The following GRM7 variants were observed in gnomAD, a reference collection of about 807,000 sequenced individuals.
The protein encoded by GRM7 is metabotropic glutamate receptor 7.
In GRM7, 35 loss-of-function variants were observed where a neutral mutation model predicts 84.5. The ratio of observed to expected loss-of-function variants is 0.41; its 90% CI spans 0.32 to 0.55. The LOEUF is 0.55. Among genes scored for constraint, GRM7 ranks in the 20% least tolerant of loss-of-function variants. The probability of loss-of-function intolerance (pLI) is 0.19; values close to 1 mark genes in which losing one functional copy is unlikely to be tolerated. For missense variants in GRM7, 1,003 were observed against 1,194.6 expected, an observed-to-expected ratio of 0.84 and a Z score of 2.36; for synonymous variants, 487 against 455.1, an observed-to-expected ratio of 1.07 and a Z score of -0.89.
At chr3:6,962,035 A>G (rs1693322432) in intron 1 of GRM7, among the ~76,000 whole-genome samples, 2 of 152,190 alleles carry the variant, frequency 1.3e-5, no homozygotes, top group South Asian at 4.1e-4. Flanking sequence ...GTTTTTCCTT[A>G]ATTCACTGCA....
chr3:7,200,667 G>A (rs542098839), intron 2 of GRM7, among the ~76,000 whole-genome samples: 17 of 152,264 alleles, frequency 1.1e-4, no homozygotes, highest in Admixed American at 5.2e-4. Context: ...GGTGGAGCAT[G>A]AGAATTCCTA....
Position 7,451,024 on chromosome 3 carries a change from TTGAGGTTGTAGAACTCTTATTG to T in GRM7, c.1175-1559_1175-1538del, listed in dbSNP as rs367839256. Among the ~76,000 whole-genome samples the T allele has an allele frequency of 7.9e-4, 121 of 152,288 alleles. 1 individual carries two copies. Among genetic ancestry groups the T allele is most frequent in the African/African-American group, 2.7e-3 (111 of 41,566 alleles). Reference sequence around the variant, plus strand: ...TTTGTGTGTTTTGCAGGAAAAGGGGTTGAGGTTGTAGAACTCTTATTGTGAGGTTGTAGAACTCTTATTGTTT... The same window carrying T: ...TTTGTGTGTTTTGCAGGAAAAGGGGTTGAGGTTGTAGAACTCTTATTGTTT... On this transcript the variant is annotated intron_variant, in intron 5 of 9. Transcript: ENST00000357716.
intron 5 of GRM7, among the ~76,000 whole-genome samples, chr3:7,418,720 TA>T (rs1180864204): frequency 6.6e-6 from 1 of 152,130 alleles, no homozygotes; most frequent in Non-Finnish European, 1.5e-5. Context: ...GAAGGAACAT[TA>T]CACAAATGAA....
At chr3:7,617,555 C>T (rs1021537299) in intron 8 of GRM7, among the ~76,000 whole-genome samples, 4 of 151,808 alleles carry the variant, frequency 2.6e-5, no homozygotes, top group Admixed American at 1.3e-4. Flanking sequence ...AGCAAAAGAT[C>T]GACAGAATCA....
At chr3:7,244,741 T>A (rs1046001789) in intron 2 of GRM7, among the ~76,000 whole-genome samples, 2 of 152,080 alleles carry the variant, frequency 1.3e-5, no homozygotes, top group Non-Finnish European at 2.9e-5. Flanking sequence ...GCTTTGACAA[T>A]GTACCATTCA....
At chr3:7,263,552 C>G (rs996107678) in intron 2 of GRM7, among the ~76,000 whole-genome samples, 2 of 152,174 alleles carry the variant, frequency 1.3e-5, no homozygotes, top group Admixed American at 1.3e-4. Context: ...TCCACCTCCA[C>G]CTCACCAGCT....
chr3:7,491,875 A>T (rs372123170), intron 7 of GRM7, among the ~76,000 whole-genome samples: 1 of 152,210 alleles, frequency 6.6e-6, no homozygotes, highest in Admixed American at 6.6e-5. Context: ...ATTCTGCTAC[A>T]TATATAACAG....
chr3:7,575,000 A>T (rs1488208430), intron 7 of GRM7, among the ~76,000 whole-genome samples: 2 of 152,166 alleles, frequency 1.3e-5, no homozygotes, highest in Non-Finnish European at 2.9e-5. Context: ...CTTGTATAAG[A>T]ATGAAAAACA....
chr3:6,954,720 T>G (rs1285330659), intron 1 of GRM7, among the ~76,000 whole-genome samples: 2 of 152,220 alleles, frequency 1.3e-5, no homozygotes, highest in African/African-American at 4.8e-5. Flanking sequence ...TCTGTGAAAT[T>G]TAGTCAGTGA....
intron 8 of GRM7, among the ~76,000 whole-genome samples, chr3:7,644,886 G>A (rs1698546198): frequency 6.6e-6 from 1 of 152,068 alleles, no homozygotes; most frequent in Admixed American, 6.6e-5. Context: ...CCAGAGCATA[G>A]AGTCCTCTGC....
chr3:6,916,309 A>C (rs893414194), intron 1 of GRM7, among the ~76,000 whole-genome samples: 1 of 152,194 alleles, frequency 6.6e-6, no homozygotes, highest in Non-Finnish European at 1.5e-5. Context: ...AATATAAAAT[A>C]AATATGTGAT....
chr3:7,052,662 C>T (rs1307061481), intron 1 of GRM7, among the ~76,000 whole-genome samples: 1 of 142,152 alleles, frequency 7.0e-6, no homozygotes, highest in African/African-American at 2.7e-5. Flanking sequence ...TTGTGTCTGA[C>T]TTCTTTTATT....
rs1025644489 is a variant in GRM7 at position 7,462,888 on chromosome 3, C to T, written c.1515+1166C>T. ...CGTCCATGGCTTATATAAATGCAAA[C>T]GGCCAAGATCAAAAAAGAAGCTAAG... On this transcript the variant is annotated intron_variant, in intron 7 of 9. Coordinates refer to ENST00000357716, the MANE Select transcript of GRM7 (RefSeq NM_000844.4). Among the ~76,000 whole-genome samples the T allele has an allele frequency of 2.1e-4, 32 of 152,166 alleles. 1 individual carries two copies. The highest frequency in any genetic ancestry group is 1.3e-3 in the Admixed American group (20 of 15,280).
chr3:6,964,318 C>A (rs879588475), intron 1 of GRM7, among the ~76,000 whole-genome samples: 2 of 152,114 alleles, frequency 1.3e-5, no homozygotes, highest in Admixed American at 1.3e-4. Context: ...GAGTTGCAAA[C>A]TGTGAACTTA....
chr3:7,056,018 C>T (rs1697206845), intron 1 of GRM7, among the ~76,000 whole-genome samples: 2 of 152,026 alleles, frequency 1.3e-5, no homozygotes, highest in South Asian at 4.1e-4. Context: ...CTTACAAATT[C>T]ACAGTTTATT....
chr3:7,166,046 C>T (rs1329817547), intron 2 of GRM7, among the ~76,000 whole-genome samples: 1 of 152,062 alleles, frequency 6.6e-6, no homozygotes, highest in African/African-American at 2.4e-5. Context: ...AATATGTTCT[C>T]CTGAAAGTTC....
intron 1 of GRM7, among the ~76,000 whole-genome samples, chr3:7,082,399 T>C (rs1698303647): frequency 6.6e-6 from 1 of 152,054 alleles, no homozygotes; most frequent in Non-Finnish European, 1.5e-5. Context: ...TGAGAGCTAC[T>C]ACTCGGTAAA....
At chr3:7,688,778 T>C (rs1700680894) in intron 9 of GRM7, among the ~76,000 whole-genome samples, 1 of 152,226 alleles carries the variant, frequency 6.6e-6, no homozygotes, top group African/African-American at 2.4e-5. Flanking sequence ...TCAGGCATCA[T>C]GTTCCAACAA....
At chr3:7,193,633 A>G (rs1396400650) in intron 2 of GRM7, among the ~76,000 whole-genome samples, 1 of 151,616 alleles carries the variant, frequency 6.6e-6, no homozygotes, top group African/African-American at 2.4e-5. Context: ...TTCATGATAT[A>G]CTCATTCATG....
Sources: gnomAD v4.1 joint callset for allele counts (sites outside exome capture counted in the v4.1 genomes callset) on GRCh38, gnomAD v4.1.1 for gene constraint, MANE v1.5 for transcripts, NCBI Gene and HGNC (gene_info 2026-07-23, HGNC 2026-07-21) for gene names.